EIF5B: variants seen among roughly 807,000 people sequenced by gnomAD.
EIF5B encodes the protein eIF-5B.
EIF5B carries 47 observed loss-of-function variants against 147.5 expected under a neutral mutation model. The ratio of observed to expected loss-of-function variants is 0.32; its 90% CI spans 0.25 to 0.41. The LOEUF (loss-of-function observed/expected upper bound fraction) is 0.41, where lower values mean the gene tolerates loss of function less well. Among genes scored for constraint, EIF5B ranks in the 10% least tolerant of loss-of-function variants. EIF5B has a pLI of 1.00. For missense variants in EIF5B, 1,064 were observed against 1,413.2 expected (o/e 0.75, Z 3.96); for synonymous variants, 455 against 456.2 (o/e 1.00, Z 0.03).
At chr2:99,349,922 C>T (rs1177485938) in intron 1 of EIF5B, among the ~76,000 whole-genome samples, 1 of 152,150 alleles carries the variant, frequency 6.6e-6, no homozygotes, top group Non-Finnish European at 1.5e-5. Flanking sequence ...TGTAACTTGA[C>T]CAACCTCTCC....
At position 99,390,219 on chromosome 2, in the gene EIF5B, G is replaced by C; in HGVS notation, c.2404G>C (p.Gly802Arg). ...KAIIVEFAQQ[G>R]LNAALFYENK... Reference sequence around the variant, plus strand: ...CATTTTGGATGATTTTTGCTCCTAGGGTTTGAATGCTGCTTTGTTTTATGA... The same window carrying C: ...CATTTTGGATGATTTTTGCTCCTAGCGTTTGAATGCTGCTTTGTTTTATGA... Residue 802 changes from glycine (G) to arginine (R), a missense_variant and splice_region_variant, in exon 16 of 24, where the codon GGT becomes CGT. This residue lies in a region of EIF5B where 380 missense variants were observed against 715.6 expected (regional missense o/e 0.53). Coordinates refer to ENST00000289371, the MANE Select transcript of EIF5B (RefSeq NM_015904.4). The C allele has an allele frequency of 6.2e-7, 1 of 1,613,858 alleles. No homozygotes were observed. The highest frequency in any genetic ancestry group is 1.1e-5 in the South Asian group (1 of 91,042).
intron 9 of EIF5B, among the ~76,000 whole-genome samples, chr2:99,374,622 T>C (rs1574932539): frequency 6.6e-6 from 1 of 152,348 alleles, no homozygotes; most frequent in African/African-American, 2.4e-5. Context: ...TTTAACACTT[T>C]GAAGTTATTA....
Position 99,368,513 on chromosome 2 carries a change from G to C in EIF5B, c.1309G>C (p.Asp437His). ...QAQGVEVPSK[D>H]SLPKKRPIYE... is the part of the protein sequence containing the mutation. ...CTCAGGTGTTGAAGTGCCATCAAAA[G>C]ACTCTTTGCCAAAGAAGAGGCCAAT... Residue 437 changes from aspartate (D) to histidine (H), a missense_variant, in exon 7 of 24, where the codon GAC becomes CAC. Physicochemically the swap from Asp to His is moderately conservative, Grantham distance 81. Transcript: ENST00000289371. 6.2e-7 allele frequency: 1 copy of C among 1,613,426 alleles called. No individual in the cohort carries two copies. Among genetic ancestry groups the C allele is most frequent in the East Asian group, 2.2e-5 (1 of 44,764 alleles).
At chr2:99,396,999 G>A in intron 22 of EIF5B, 101 bp downstream of exon 22, 2 of 1,339,864 alleles carry the variant, frequency 1.5e-6, no homozygotes, top group Non-Finnish European at 9.9e-7. Context: ...TCACAGTACT[G>A]TGCTGTGTAT....
rs1170632435 is a variant in EIF5B, at chr2:99,400,394, A to C, written c.*980A>C. ...AACTTAATGATTCATTCGTAGTAGT[A>C]ATCTGTAGCTAGTTTTAGGGTTTTG... On this transcript the variant is annotated 3_prime_UTR_variant, in exon 24 of 24. Transcript: ENST00000289371. 1 of 152,226 alleles carries C rather than the reference A, an allele frequency of 6.6e-6. No homozygotes were observed. The highest frequency in any genetic ancestry group is 2.4e-5 in the African/African-American group (1 of 41,470). The allele number at this position is 152,226 out of a possible 1,614,324, so 9.4% of individuals were successfully genotyped here. A position where few individuals can be genotyped will look rare whatever the true frequency, so the allele number is the denominator to read the frequency against.
intron 18 of EIF5B, among the ~76,000 whole-genome samples, chr2:99,393,442 G>C (rs1674977868): frequency 6.6e-6 from 1 of 152,146 alleles, no homozygotes; most frequent in Admixed American, 6.5e-5. Context: ...GGAGGCAGAG[G>C]CTGCAGTGAG....
At chr2:99,347,655 G>T (rs1256043636) in intron 1 of EIF5B, among the ~76,000 whole-genome samples, 1 of 151,774 alleles carries the variant, frequency 6.6e-6, no homozygotes, top group Non-Finnish European at 1.5e-5. Context: ...GATTTCTTTT[G>T]AGTTCAGCAT....
At position 99,389,829 on chromosome 2, in the gene EIF5B, A is replaced by G. The variant is rs1014868892; in HGVS notation, c.2383A>G (p.Ile795Val). The change falls in exon 15 of 24, where the codon ATT (isoleucine) becomes GTT (valine). Residue 795 changes from isoleucine to valine, a missense_variant. Ile to Val is a conservative substitution (Grantham distance 29). Around this residue, in one of 4 missense-constraint regions of EIF5B, gnomAD observed 380 missense variants for 715.6 expected, o/e 0.53. Transcript: ENST00000289371. The stretch of plus-strand genomic sequence containing the variant: ...ATTTGAGGAGCGAGCAAAGGCTATT[A>G]TTGTAGAATTTGCACAGCAGGTAAG... ...DEFEERAKAI[I>V]VEFAQQGLNA... The G allele has an allele frequency of 5.6e-6, 9 of 1,611,500 alleles. No individual in the cohort carries two copies. The highest frequency in any genetic ancestry group is 7.6e-6 in the Non-Finnish European group (9 of 1,179,346).
At chr2:99,376,657 C>A in intron 10 of EIF5B, 21 bp downstream of exon 10, 2 of 1,574,054 alleles carry the variant, frequency 1.3e-6, no homozygotes, top group South Asian at 1.2e-5. Context: ...TACCGTTTCT[C>A]TCTACTTTTC....
In EIF5B at chr2:99,342,972, T is replaced by C. The variant is rs371314930; in HGVS notation, c.35+5383T>C. On this transcript the variant is annotated intron_variant, in intron 1 of 23. Coordinates refer to ENST00000289371, the MANE Select transcript of EIF5B (RefSeq NM_015904.4). ...TCTTTCTTTCTTTCTTTCTTTCTTTTTTTTTTGAGACCGGGTCTTACTCTG... is the reference window on the plus strand; with the variant it reads ...TCTTTCTTTCTTTCTTTCTTTCTTTCTTTTTTGAGACCGGGTCTTACTCTG... Among the ~76,000 whole-genome samples, 5 of 150,056 alleles carry C rather than the reference T, an allele frequency of 3.3e-5. No individual in the cohort carries two copies. The East Asian group carries it at 5.9e-4, about 18-fold the overall frequency.
chr2:99,350,257 T>A (rs965155487), intron 1 of EIF5B, among the ~76,000 whole-genome samples: 2 of 152,160 alleles, frequency 1.3e-5, no homozygotes, highest in African/African-American at 4.8e-5. Flanking sequence ...AATGTGGGAG[T>A]GTAAATATTC....
chr2:99,376,633 T>C lies in EIF5B; in HGVS notation c.1839T>C (p.Ile613=). 6.3e-7 allele frequency: 1 copy of C among 1,595,458 alleles called. No individual in the cohort carries two copies. The highest frequency in any genetic ancestry group is 8.5e-7 in the Non-Finnish European group (1 of 1,172,748). The change falls in exon 10 of 24, where the codon ATT becomes ATC. Residue 613 remains isoleucine, a synonymous_variant. Transcript: ENST00000289371. ...CTTATGACAAAGCAAAACGGAGGAT[T>C]GAGGTATTTATTTTACCGTTTCTCT... ...ERAYDKAKRR[I]EKRRLEHSKN...
At chr2:99,351,316 C>T (rs180721145) in intron 1 of EIF5B, among the ~76,000 whole-genome samples, 1 of 152,178 alleles carries the variant, frequency 6.6e-6, no homozygotes, top group South Asian at 2.1e-4. Context: ...AGTATTATTC[C>T]ATTGCCTGGA....
intron 7 of EIF5B, 65 bp downstream of exon 7, chr2:99,368,656 A>C: frequency 8.0e-7 from 1 of 1,254,698 alleles, no homozygotes; most frequent in Non-Finnish European, 1.1e-6. Context: ...ACAATCTTCA[A>C]AACAGTGTCT....
intron 1 of EIF5B, among the ~76,000 whole-genome samples, chr2:99,351,625 T>G (rs1310458258): frequency 6.6e-6 from 1 of 152,220 alleles, no homozygotes; most frequent in Non-Finnish European, 1.5e-5. Flanking sequence ...TCTCAACACT[T>G]GGTATTATTA....
intron 10 of EIF5B, among the ~76,000 whole-genome samples, chr2:99,377,190 A>T (rs1466139759): frequency 6.6e-6 from 1 of 152,048 alleles, no homozygotes; most frequent in Non-Finnish European, 1.5e-5. Flanking sequence ...TTGCTTGAGG[A>T]TATTAAACTA....
chr2:99,386,521 C>CTGTG (rs202024276), intron 14 of EIF5B, among the ~76,000 whole-genome samples: 7 of 140,584 alleles, frequency 5.0e-5, no homozygotes, highest in Non-Finnish European at 7.7e-5. Flanking sequence ...CTGTCTCTTG[C>CTGTG]TGTGTGTGTG....
At chr2:99,381,785 G>A (rs1413668674) in intron 12 of EIF5B, among the ~76,000 whole-genome samples, 1 of 151,962 alleles carries the variant, frequency 6.6e-6, no homozygotes, top group African/African-American at 2.4e-5. Flanking sequence ...CTTTAAAATT[G>A]GACCACATAA....
At chr2:99,347,876 T>C (rs973865188) in intron 1 of EIF5B, among the ~76,000 whole-genome samples, 1 of 152,210 alleles carries the variant, frequency 6.6e-6, no homozygotes, top group Admixed American at 6.5e-5. Context: ...CAGTATACTG[T>C]GATAAAGTGG....
Sources: allele counts gnomAD v4.1 joint callset (sites outside exome capture counted in the v4.1 genomes callset), GRCh38; gene constraint gnomAD v4.1.1; regional missense constraint gnomAD v4.1.1; transcripts MANE v1.5; gene names NCBI Gene and HGNC (gene_info 2026-07-23, HGNC 2026-07-21).